PDE1C: variants seen among roughly 807,000 people sequenced by gnomAD.
PDE1C encodes phosphodiesterase 1C, also known as dual specificity calcium/calmodulin-dependent 3',5'-cyclic nucleotide phosphodiesterase 1C.
PDE1C carries 62 observed loss-of-function variants against 93.1 expected under a neutral mutation model. The ratio of observed to expected loss-of-function variants is 0.67; its 90% CI spans 0.54 to 0.82. The LOEUF is 0.82. Among genes scored for constraint, PDE1C ranks in the 40% least tolerant of loss-of-function variants. PDE1C has a pLI of 0.00. For synonymous variants in PDE1C, 325 were observed against 310.1 expected, an observed-to-expected ratio of 1.05 and a Z score of -0.50; for missense variants, 742 against 884.6, an observed-to-expected ratio of 0.84 and a Z score of 2.04.
rs144773724 is a variant in PDE1C, at chr7:32,364,253, T to C, written c.310+63569A>G. 3.3e-5 allele frequency among the ~76,000 whole-genome samples: 5 copies of C among 152,336 alleles called. No individual in the cohort carries two copies. In the East Asian group the frequency reaches 9.7e-4, roughly 29 times the overall value. On this transcript the variant is annotated intron_variant, in intron 1 of 1. Transcript: ENST00000672256. ...TGATATTAATTTAAATTCATTTTTT[T>C]AAGTACAGATCTGGTTAGCAAAAGG...
At chr7:31,707,217 C>T in the PDE1C span, 1 of 1,613,804 alleles carries the variant, frequency 6.2e-7, no homozygotes, top group Non-Finnish European at 8.5e-7. Flanking sequence ...TGACATTGCT[C>T]AGGGACGAGA....
chr7:32,096,860 T>TAGAC (rs879543642), intron 3 of PDE1C, among the ~76,000 whole-genome samples: 4 of 150,408 alleles, frequency 2.7e-5, no homozygotes, highest in African/African-American at 9.8e-5. Context: ...GATAGATAGA[T>TAGAC]AGACAGACAG....
At chr7:32,177,982 C>A (rs1318236525) in intron 2 of PDE1C, among the ~76,000 whole-genome samples, 1 of 152,212 alleles carries the variant, frequency 6.6e-6, no homozygotes, top group South Asian at 2.1e-4. Context: ...TCTGCAGGCT[C>A]TCATCCCCCA....
chr7:32,224,966 A>G (rs1290557587), intron 1 of PDE1C, among the ~76,000 whole-genome samples: 1 of 151,708 alleles, frequency 6.6e-6, no homozygotes, highest in Non-Finnish European at 1.5e-5. Flanking sequence ...GGCAATGAAG[A>G]GATCCCCCAG....
chr7:31,623,453 C>A, the PDE1C span, among the ~76,000 whole-genome samples: 2 of 151,394 alleles, frequency 1.3e-5, no homozygotes, highest in Non-Finnish European at 2.9e-5. Context: ...GTTCAATATA[C>A]GCAAATCAAT....
the PDE1C span, among the ~76,000 whole-genome samples, chr7:31,718,938 G>T: frequency 1.3e-5 from 2 of 152,158 alleles, no homozygotes; most frequent in South Asian, 4.1e-4. Flanking sequence ...CTGGAACCAG[G>T]ATCTTAATAC....
chr7:31,781,509 G>T (rs1452166558), intron 16 of PDE1C, among the ~76,000 whole-genome samples: 2 of 152,084 alleles, frequency 1.3e-5, no homozygotes, highest in Non-Finnish European at 2.9e-5. Context: ...GAGCATATCT[G>T]CCAACATCTT....
At chr7:31,634,140 G>A in the PDE1C span, among the ~76,000 whole-genome samples, 1 of 152,184 alleles carries the variant, frequency 6.6e-6, no homozygotes, top group Non-Finnish European at 1.5e-5. Context: ...TGAGGCGTCT[G>A]TCTCCTCCTA....
chr7:31,913,973 T>C (rs998341194), intron 2 of PDE1C, among the ~76,000 whole-genome samples: 2 of 152,210 alleles, frequency 1.3e-5, no homozygotes, highest in Admixed American at 6.5e-5. Flanking sequence ...AGCAGTTATA[T>C]TTTTAAACCA....
At chr7:31,962,911 A>G (rs1227143067) in intron 2 of PDE1C, among the ~76,000 whole-genome samples, 1 of 152,182 alleles carries the variant, frequency 6.6e-6, no homozygotes, top group East Asian at 1.9e-4. Flanking sequence ...GAACACATCA[A>G]AAGGCTTCTG....
At chr7:31,717,249 T>C in the PDE1C span, among the ~76,000 whole-genome samples, 1 of 152,276 alleles carries the variant, frequency 6.6e-6, no homozygotes, top group African/African-American at 2.4e-5. Flanking sequence ...TGAATTTCTT[T>C]ATACATTTAT....
intron 2 of PDE1C, among the ~76,000 whole-genome samples, chr7:32,176,584 T>A (rs1397996324): frequency 6.6e-6 from 1 of 152,210 alleles, no homozygotes; most frequent in African/African-American, 2.4e-5. Flanking sequence ...CCTAACTGTA[T>A]GTGATATTAG....
chr7:32,236,858 T>C (rs1424424872), intron 1 of PDE1C, among the ~76,000 whole-genome samples: 3 of 152,160 alleles, frequency 2.0e-5, no homozygotes, highest in African/African-American at 4.8e-5. Flanking sequence ...GGCAGCTCTA[T>C]TCATAATCAC....
At chr7:31,663,086 C>A in the PDE1C span, among the ~76,000 whole-genome samples, 1 of 152,168 alleles carries the variant, frequency 6.6e-6, no homozygotes, top group Non-Finnish European at 1.5e-5. Flanking sequence ...CACTGCTGTG[C>A]CTTCTCAGTC....
the PDE1C span, among the ~76,000 whole-genome samples, chr7:31,684,151 A>G: frequency 6.6e-6 from 1 of 152,226 alleles, no homozygotes; most frequent in South Asian, 2.1e-4. Flanking sequence ...GGCATAATCA[A>G]TTAAAGAGTA....
At chr7:31,821,071 C>T (rs1393416649) in intron 14 of PDE1C, among the ~76,000 whole-genome samples, 1 of 150,962 alleles carries the variant, frequency 6.6e-6, no homozygotes, top group Non-Finnish European at 1.5e-5. Flanking sequence ...GATAACCAAA[C>T]TATTCTCCCA....
chr7:31,905,067 T>C (rs943630054), intron 2 of PDE1C, among the ~76,000 whole-genome samples: 7 of 152,170 alleles, frequency 4.6e-5, no homozygotes, highest in Non-Finnish European at 1.5e-5. Context: ...CACAGCCTAA[T>C]AGTATGAATT....
At chr7:31,628,617 C>T in the PDE1C span, among the ~76,000 whole-genome samples, 283 of 152,106 alleles carry the variant, frequency 1.9e-3, 2 homozygotes, top group African/African-American at 6.6e-3. Flanking sequence ...GCCACCACGC[C>T]CCGCTAATTT....
intron 1 of PDE1C, among the ~76,000 whole-genome samples, chr7:32,378,743 A>G (rs1001185174): frequency 6.6e-6 from 1 of 152,120 alleles, no homozygotes; most frequent in African/African-American, 2.4e-5. Flanking sequence ...CATCCCTGTG[A>G]TGGTACCCCA....
Sources: allele counts gnomAD v4.1 joint callset (sites outside exome capture counted in the v4.1 genomes callset), GRCh38; gene constraint gnomAD v4.1.1; transcripts MANE v1.5; gene names NCBI Gene and HGNC (gene_info 2026-07-23, HGNC 2026-07-21).